The following TBL1X variants were observed in gnomAD, a reference collection of about 807,000 sequenced individuals.
TBL1X encodes F-box-like/WD repeat-containing protein TBL1X.
A neutral mutation model predicts 50.7 loss-of-function variants in TBL1X; 10 were observed. The observed-to-expected ratio is 0.20, with a 90% CI of 0.12 to 0.33. The LOEUF is 0.33. Ranked by LOEUF, TBL1X falls within the 10% of genes least tolerant of loss-of-function variation. The pLI is 1.00. For synonymous variants in TBL1X, 190 were observed against 214.7 expected (o/e 0.88, Z 1.01); for missense variants, 340 against 504.4 (o/e 0.67, Z 3.12).
chrX:9,713,703 C>T (rs917263624), intron 16 of TBL1X, among the ~76,000 whole-genome samples: 5 of 111,260 alleles, frequency 4.5e-5, no homozygotes, highest in African/African-American at 1.3e-4. Flanking sequence ...GCTGGGATTA[C>T]AGGCATGAGC....
At chrX:9,699,891 A>G (rs895954291) in intron 12 of TBL1X, among the ~76,000 whole-genome samples, 2 of 111,376 alleles carry the variant, frequency 1.8e-5, no homozygotes, top group Non-Finnish European at 3.8e-5. Flanking sequence ...GAAATTTGTT[A>G]CTGGTGTTGC....
chrX:9,708,357 A>T (rs1215186669), intron 13 of TBL1X, among the ~76,000 whole-genome samples: 1 of 112,127 alleles, frequency 8.9e-6, no homozygotes, highest in East Asian at 2.8e-4. Context: ...TGCCTGTGTC[A>T]TGTGTGTTTG....
At chrX:9,466,116 G>T (rs1223937710) in intron 1 of TBL1X, among the ~76,000 whole-genome samples, 1 of 110,690 alleles carries the variant, frequency 9.0e-6, no homozygotes, top group African/African-American at 3.3e-5. Context: ...CCCGTCGAGG[G>T]TCTGCAGAGC....
chrX:9,571,737 C>G (rs368757282), intron 2 of TBL1X, among the ~76,000 whole-genome samples: 3 of 111,651 alleles, frequency 2.7e-5, no homozygotes, highest in East Asian at 5.6e-4. Context: ...GCTTTCCATT[C>G]CTTCTCTCCC....
At chrX:9,556,732 A>G (rs1299555169) in intron 2 of TBL1X, among the ~76,000 whole-genome samples, 1 of 109,978 alleles carries the variant, frequency 9.1e-6, no homozygotes, top group Non-Finnish European at 1.9e-5. Context: ...CGAGGCATCT[A>G]CAGGGTGGTG....
rs187539187 is a variant in TBL1X, at chrX:9,466,020, G to A, written c.-201+573G>A. Among the ~76,000 whole-genome samples, 8 of 113,157 alleles carry A rather than the reference G, an allele frequency of 7.1e-5. No individual in the cohort carries two copies. In the East Asian group the frequency reaches 2.3e-3, roughly 32 times the overall value. ...CCCGTGTCTGCTCAGTTTCTGACGC[G>A]CAGAAACTGTCAAGGAAGTCGGGAG... is the stretch of plus-strand genomic sequence containing the variant. On this transcript the variant is annotated intron_variant, in intron 1 of 17. Transcript: ENST00000645353.
At chrX:9,486,622 TC>T (rs1365800194) in intron 1 of TBL1X, among the ~76,000 whole-genome samples, 1 of 105,812 alleles carries the variant, frequency 9.5e-6, no homozygotes, top group Non-Finnish European at 1.9e-5. Flanking sequence ...CCTCAAGTCT[TC>T]CCACCTTTCT....
At chrX:9,688,365 C>T in intron 7 of TBL1X, 90 bp downstream of exon 7, 1 of 823,723 alleles carries the variant, frequency 1.2e-6, no homozygotes, top group South Asian at 2.9e-5. Flanking sequence ...TAAAAACCTG[C>T]CTGCTATAAA....
intron 2 of TBL1X, among the ~76,000 whole-genome samples, chrX:9,518,298 C>G (rs1487377179): frequency 9.0e-6 from 1 of 111,055 alleles, no homozygotes; most frequent in Non-Finnish European, 1.9e-5. Flanking sequence ...GATATTTGCT[C>G]TCTGGTCCTC....
intron 2 of TBL1X, among the ~76,000 whole-genome samples, chrX:9,626,045 A>G (rs2082691137): frequency 8.9e-6 from 1 of 111,974 alleles, no homozygotes; most frequent in Non-Finnish European, 1.9e-5. Context: ...CTCCCTGGCA[A>G]TGTAGTAAAA....
intron 6 of TBL1X, among the ~76,000 whole-genome samples, chrX:9,685,571 C>A (rs1304021576): frequency 9.0e-6 from 1 of 111,660 alleles, no homozygotes; most frequent in African/African-American, 3.3e-5. Flanking sequence ...CAGTCACATT[C>A]TTCCAGGATT....
At chrX:9,673,695 G>A (rs2082973552) in intron 5 of TBL1X, among the ~76,000 whole-genome samples, 1 of 112,279 alleles carries the variant, frequency 8.9e-6, no homozygotes, top group African/African-American at 3.2e-5. Flanking sequence ...CATGTGCTAC[G>A]TGATGCTTTC....
At chrX:9,701,150 C>T (rs755981560) in intron 12 of TBL1X, among the ~76,000 whole-genome samples, 34 of 111,120 alleles carry the variant, frequency 3.1e-4, no homozygotes, top group Non-Finnish European at 6.0e-4. Context: ...AGCTTGCCAG[C>T]GTCGATACAA....
Position 9,701,125 on chromosome X carries a change from A to G in TBL1X, c.1114+3696A>G, listed in dbSNP as rs773811785. 4.5e-5 allele frequency among the ~76,000 whole-genome samples: 5 copies of G among 111,022 alleles called. No homozygotes were observed. In the South Asian group the frequency reaches 1.2e-3, roughly 26 times the overall value. On this transcript the variant is annotated intron_variant, in intron 12 of 17. Transcript: ENST00000645353. ...ATAAAATGACAGCACTCTACAGGCA[A>G]ATTGCACCAGTGTCAGCTTGCCAGC...
intron 2 of TBL1X, among the ~76,000 whole-genome samples, chrX:9,586,207 G>A (rs1020048961): frequency 5.3e-5 from 6 of 112,190 alleles, no homozygotes; most frequent in East Asian, 5.6e-4. Context: ...TTAGAGCAGC[G>A]TTATTTATAT....
At chrX:9,502,776 T>C (rs1184503302) in intron 2 of TBL1X, among the ~76,000 whole-genome samples, 1 of 112,619 alleles carries the variant, frequency 8.9e-6, no homozygotes, top group Non-Finnish European at 1.9e-5. Context: ...CCTTCCACTT[T>C]CTGCTATGTG....
intron 12 of TBL1X, among the ~76,000 whole-genome samples, chrX:9,699,846 G>T (rs994346662): frequency 5.4e-5 from 6 of 111,644 alleles, no homozygotes; most frequent in Non-Finnish European, 9.4e-5. Context: ...CACAGCTTGG[G>T]ACCCACACCA....
chrX:9,469,238 C>T (rs1055487576), intron 1 of TBL1X, among the ~76,000 whole-genome samples: 15 of 111,884 alleles, frequency 1.3e-4, no homozygotes, highest in African/African-American at 4.6e-4. Flanking sequence ...GGTGCGATCT[C>T]GGCTCACTCT....
At chrX:9,589,891 C>T (rs1476532477) in intron 2 of TBL1X, among the ~76,000 whole-genome samples, 1 of 111,669 alleles carries the variant, frequency 9.0e-6, no homozygotes, top group African/African-American at 3.3e-5. Context: ...CCTAGGTGGT[C>T]AAGGTCATCA....
Sources: allele counts gnomAD v4.1 joint callset (sites outside exome capture counted in the v4.1 genomes callset), GRCh38; gene constraint gnomAD v4.1.1; transcripts MANE v1.5; gene names NCBI Gene and HGNC (gene_info 2026-07-23, HGNC 2026-07-21).